The following REDIC1 variants were observed in gnomAD, a reference collection of about 807,000 sequenced individuals.
REDIC1 encodes regulator of DNA class I crossover intermediates 1.
chr12:39,644,406 C>T, the REDIC1 span, among the ~76,000 whole-genome samples: 11 of 151,600 alleles, frequency 7.3e-5, no homozygotes, highest in Admixed American at 1.3e-4. Context: ...AAAATAAAGT[C>T]CATTTTGTCA....
the REDIC1 span, among the ~76,000 whole-genome samples, chr12:39,653,503 CTTCTTCTTCTTCTTCTT>C: frequency 2.3e-5 from 1 of 42,876 alleles, no homozygotes; most frequent in Non-Finnish European, 5.4e-5. Context: ...TCTTCTTCTT[CTTCTTCTTCTTCTTCTT>C]CTTCTTCTTC....
the REDIC1 span, among the ~76,000 whole-genome samples, chr12:39,681,800 T>C: frequency 1.3e-5 from 2 of 152,324 alleles, no homozygotes. Context: ...TCATCAAATA[T>C]TTGATAAATA....
At chr12:39,887,487 C>T in the REDIC1 span, among the ~76,000 whole-genome samples, 1 of 152,124 alleles carries the variant, frequency 6.6e-6, no homozygotes, top group Non-Finnish European at 1.5e-5. Flanking sequence ...GGACTTTTCA[C>T]AACAGGGATA....
chr12:39,900,854 C>G, the REDIC1 span, among the ~76,000 whole-genome samples: 49 of 152,122 alleles, frequency 3.2e-4, no homozygotes, highest in East Asian at 3.9e-3. Context: ...AGTTCATATG[C>G]AACCAAAAAA....
At chr12:39,706,967 C>A in the REDIC1 span, among the ~76,000 whole-genome samples, 7 of 151,868 alleles carry the variant, frequency 4.6e-5, no homozygotes, top group African/African-American at 1.7e-4. Flanking sequence ...TGAGTAATAA[C>A]AAGCATAGGG....
chr12:39,843,659 C>T, the REDIC1 span, among the ~76,000 whole-genome samples: 1 of 152,074 alleles, frequency 6.6e-6, no homozygotes, highest in East Asian at 1.9e-4. Context: ...GTGCTCAACT[C>T]TCCAGCTCTA....
chr12:39,812,996 A>ATTTTTTTTTTTTTTTTTTTTTTTTTT, the REDIC1 span, among the ~76,000 whole-genome samples: 2 of 40,602 alleles, frequency 4.9e-5, 1 homozygote, highest in East Asian at 2.0e-3. Flanking sequence ...TGCCCAGCTA[A>ATTTTTTTTTTTTTTTTTTTTTTTTTT]TTTTTTTTTT....
the REDIC1 span, among the ~76,000 whole-genome samples, chr12:39,816,790 G>GTTC: frequency 6.6e-6 from 1 of 152,020 alleles, no homozygotes; most frequent in Non-Finnish European, 1.5e-5. Context: ...TTCATCCTTA[G>GTTC]TTCTTGGTGA....
chr12:39,717,971 CT>C, the REDIC1 span, among the ~76,000 whole-genome samples: 8,417 of 148,092 alleles, frequency 0.057, 360 homozygotes, highest in African/African-American at 0.13. Context: ...CACCTTTCAC[CT>C]TTTTTTTTTG....
the REDIC1 span, among the ~76,000 whole-genome samples, chr12:39,832,689 T>A: frequency 7.0e-6 from 1 of 142,180 alleles, no homozygotes; most frequent in Non-Finnish European, 1.5e-5. Context: ...CTCCTGATGA[T>A]CACCAGTTAA....
chr12:39,905,434 C>T, the REDIC1 span, among the ~76,000 whole-genome samples: 1 of 152,148 alleles, frequency 6.6e-6, no homozygotes, highest in African/African-American at 2.4e-5. Flanking sequence ...TAAAACTAAA[C>T]TCCAGGCTGA....
the REDIC1 span, among the ~76,000 whole-genome samples, chr12:39,812,337 T>TTTTTCTTTCTTTTCTTTTC: frequency 1.5e-5 from 2 of 135,188 alleles, no homozygotes; most frequent in South Asian, 4.9e-4. Flanking sequence ...ACTAATTTCT[T>TTTTTCTTTCTTTTCTTTTC]TTTTCTTTTC....
At chr12:39,759,868 T>C in the REDIC1 span, 1 of 588,710 alleles carries the variant, frequency 1.7e-6, no homozygotes, top group Non-Finnish European at 3.0e-6. Context: ...AAAGTCATCA[T>C]GGTTGTATCT....
At chr12:39,880,824 C>CT in the REDIC1 span, among the ~76,000 whole-genome samples, 2 of 152,206 alleles carry the variant, frequency 1.3e-5, no homozygotes, top group African/African-American at 4.8e-5. Context: ...AGCCACATCA[C>CT]TGACTTTCCT....
the REDIC1 span, among the ~76,000 whole-genome samples, chr12:39,879,898 G>A: frequency 6.6e-6 from 1 of 152,174 alleles, no homozygotes; most frequent in East Asian, 1.9e-4. Context: ...CAAATCTCAT[G>A]TTGAATTGTA....
At chr12:39,829,960 A>G in the REDIC1 span, 1 of 1,017,196 alleles carries the variant, frequency 9.8e-7, no homozygotes. Context: ...TGCATCCACT[A>G]TCACCAGTAT....
chr12:39,893,164 A>T, the REDIC1 span, among the ~76,000 whole-genome samples: 143 of 152,304 alleles, frequency 9.4e-4, 1 homozygote, highest in Non-Finnish European at 8.8e-5. Context: ...GCAACAACAT[A>T]TTCAGTCATT....
the REDIC1 span, among the ~76,000 whole-genome samples, chr12:39,724,099 G>T: frequency 6.6e-6 from 1 of 152,060 alleles, no homozygotes; most frequent in Non-Finnish European, 1.5e-5. Flanking sequence ...GGAGGAGGCA[G>T]AGGAAGTACC....
chr12:39,761,902 A>T, the REDIC1 span, among the ~76,000 whole-genome samples: 5 of 152,110 alleles, frequency 3.3e-5, no homozygotes, highest in Non-Finnish European at 4.4e-5. Flanking sequence ...ATTTGGGAAC[A>T]GTAGCATAAT....
Sources: gnomAD v4.1 joint callset for allele counts (sites outside exome capture counted in the v4.1 genomes callset) on GRCh38, gnomAD v4.1.1 for gene constraint, MANE v1.5 for transcripts, NCBI Gene and HGNC (gene_info 2026-07-23, HGNC 2026-07-21) for gene names.